Variants in STS observed in about 807,000 individuals in gnomAD.
The protein encoded by STS is steroid sulfatase, also known as steryl-sulfatase.
STS carries 7 observed loss-of-function variants against 26.8 expected under a neutral mutation model. That is an observed-to-expected ratio of 0.26 (90% CI 0.15 to 0.49). The LOEUF is 0.49. STS is among the 20% of genes least tolerant of loss of function. The pLI, the probability that STS is intolerant of heterozygous loss-of-function variation, is 0.98. For synonymous variants in STS, 199 were observed against 189.4 expected (o/e 1.05, Z -0.42); for missense variants, 434 against 465.6 (o/e 0.93, Z 0.63).
chrX:7,174,461 A>C (rs913123852), intron 1 of STS, among the ~76,000 whole-genome samples: 4 of 111,799 alleles, frequency 3.6e-5, no homozygotes, highest in Non-Finnish European at 7.5e-5. Flanking sequence ...AATAACAGAC[A>C]TATTTACTCA....
At chrX:7,232,462 G>A (rs1055177876) in intron 2 of STS, among the ~76,000 whole-genome samples, 1 of 111,792 alleles carries the variant, frequency 8.9e-6, no homozygotes, top group Non-Finnish European at 1.9e-5. Context: ...TGCAATTTGG[G>A]TATTCTTATG....
intron 1 of STS, among the ~76,000 whole-genome samples, chrX:7,157,791 G>C (rs1483170962): frequency 1.8e-5 from 2 of 111,403 alleles, no homozygotes; most frequent in Non-Finnish European, 3.8e-5. Context: ...CAGCTAGTGG[G>C]TGCTGGAATC....
rs1001580724 is a variant in STS at position 7,173,584 on chromosome X, G to A, written c.-133-17296G>A. Among the ~76,000 whole-genome samples, 8 of 111,927 alleles carry A rather than the reference G, an allele frequency of 7.1e-5. No individual in the cohort carries two copies. The South Asian group carries it at 3.0e-3, about 42-fold the overall frequency. On this transcript the variant is annotated intron_variant, in intron 1 of 10. Transcript: ENST00000674429. Reference sequence around the variant, plus strand: ...AGTGTAAAAGTGTTCCTACATCTCCGCAACCTTGCCAGCATCTGTTGTTTC... The same window carrying A: ...AGTGTAAAAGTGTTCCTACATCTCCACAACCTTGCCAGCATCTGTTGTTTC...
chrX:7,344,653 G>A (rs964432291), intron 10 of STS, among the ~76,000 whole-genome samples: 1 of 111,479 alleles, frequency 9.0e-6, no homozygotes, highest in Admixed American at 9.5e-5. Context: ...AGGTGTTCTG[G>A]AGCGCTTGAA....
At chrX:7,326,996 T>TA (rs1927509253) in intron 9 of STS, among the ~76,000 whole-genome samples, 1 of 112,186 alleles carries the variant, frequency 8.9e-6, no homozygotes, top group African/African-American at 3.2e-5. Flanking sequence ...TCAAAACCCC[T>TA]TTTCATTCTT....
chrX:7,295,658 G>A (rs376997236), intron 7 of STS, among the ~76,000 whole-genome samples: 179 of 110,753 alleles, frequency 1.6e-3, no homozygotes, highest in African/African-American at 5.5e-3. Context: ...CCCACCAATA[G>A]CATTGGTATT....
chrX:7,219,410 A>G, intron 2 of STS: 1 of 1,036,423 alleles, frequency 9.6e-7, no homozygotes, highest in Non-Finnish European at 1.2e-6. Flanking sequence ...AAAAGAATGC[A>G]GCAACTAGGC....
chrX:7,192,918 TGTC>T (rs1299256866), intron 2 of STS, among the ~76,000 whole-genome samples: 2 of 112,471 alleles, frequency 1.8e-5, no homozygotes, highest in South Asian at 3.7e-4. Context: ...AAATCCGAAA[TGTC>T]GTGCTGAGGG....
rs755831638 is a variant in STS, at chrX:7,337,614, T to C, written c.1363+3507T>C. On this transcript the variant is annotated intron_variant, in intron 10 of 10. Coordinates refer to ENST00000674429, the MANE Select transcript of STS (RefSeq NM_001320752.2). ...TTATTAGAAAATAGAAAAAAAGAAA[T>C]GTAGTATTAGGGTTTAGTAGCAGGC... Among the ~76,000 whole-genome samples, 297 of 112,223 alleles carry C rather than the reference T, an allele frequency of 2.6e-3. 1 individual carries two copies. The highest frequency in any genetic ancestry group is 4.2e-3 in the Non-Finnish European group (221 of 53,229).
chrX:7,175,910 G>A (rs1933562078), intron 1 of STS, among the ~76,000 whole-genome samples: 1 of 110,828 alleles, frequency 9.0e-6, no homozygotes, highest in African/African-American at 3.3e-5. Context: ...CATCATTACT[G>A]CCTTTCAGCC....
chrX:7,183,055 C>T (rs753502100), intron 1 of STS, among the ~76,000 whole-genome samples: 56 of 111,990 alleles, frequency 5.0e-4, no homozygotes, highest in Middle Eastern at 4.6e-3. Context: ...CCTATTTCCA[C>T]AGAGGCAGAG....
At chrX:7,291,865 CT>C (rs749071539) in intron 7 of STS, among the ~76,000 whole-genome samples, 11 of 111,809 alleles carry the variant, frequency 9.8e-5, no homozygotes. Flanking sequence ...AGTCTTTTAA[CT>C]TTAATCACTT....
At chrX:7,194,448 G>T (rs1451898423) in intron 2 of STS, among the ~76,000 whole-genome samples, 1 of 111,783 alleles carries the variant, frequency 8.9e-6, no homozygotes, top group African/African-American at 3.3e-5. Context: ...AGGTTACGAA[G>T]CAATGGCTAG....
intron 2 of STS, among the ~76,000 whole-genome samples, chrX:7,248,529 A>G (rs768864948): frequency 6.2e-5 from 7 of 112,298 alleles, no homozygotes; most frequent in Non-Finnish European, 1.1e-4. Context: ...TCAAGGCTGA[A>G]CAAGTATACT....
At chrX:7,204,774 C>G (rs1029101467) in intron 2 of STS, among the ~76,000 whole-genome samples, 2 of 104,088 alleles carry the variant, frequency 1.9e-5, no homozygotes, top group African/African-American at 7.1e-5. Context: ...CCTCCTTTCT[C>G]CCTCTTTCCT....
chrX:7,295,900 G>A (rs1938668980), intron 7 of STS, among the ~76,000 whole-genome samples: 1 of 112,000 alleles, frequency 8.9e-6, no homozygotes, highest in Admixed American at 9.5e-5. Context: ...TGTGACTGAT[G>A]TACAAGGTGT....
rs766556241 is a variant in STS, at chrX:7,351,442, G to T, written c.*1181G>T. ...AGCCCCTGTAAATCAGGGAAAATGC[G>T]CAACTGATCGCCTAGGAGAGGGCCT... is the stretch of plus-strand genomic sequence containing the variant. On this transcript the variant is annotated 3_prime_UTR_variant, in exon 11 of 11. Coordinates refer to ENST00000674429, the MANE Select transcript of STS (RefSeq NM_001320752.2). 5.4e-5 allele frequency: 6 copies of T among 111,811 alleles called. No individual in the cohort carries two copies. Among genetic ancestry groups the T allele is most frequent in the Non-Finnish European group, 9.4e-5 (5 of 53,163 alleles). 9.2% of individuals were successfully genotyped at this position (111,811 alleles called of 1,213,427 possible). A position where few individuals can be genotyped will look rare whatever the true frequency, so the allele number is the denominator to read the frequency against.
chrX:7,192,110 G>A (rs1274078699), intron 2 of STS, among the ~76,000 whole-genome samples: 4 of 112,023 alleles, frequency 3.6e-5, no homozygotes, highest in Non-Finnish European at 7.5e-5. Context: ...GAAATGGGCA[G>A]GAAGATACTT....
chrX:7,185,861 G>A (rs1382391564), intron 1 of STS, among the ~76,000 whole-genome samples: 1 of 112,137 alleles, frequency 8.9e-6, no homozygotes, highest in Non-Finnish European at 1.9e-5. Flanking sequence ...GTGGATGTTG[G>A]CTTTTTCCAG....
Sources: gnomAD v4.1 joint callset for allele counts (sites outside exome capture counted in the v4.1 genomes callset) on GRCh38, gnomAD v4.1.1 for gene constraint, MANE v1.5 for transcripts, NCBI Gene and HGNC (gene_info 2026-07-23, HGNC 2026-07-21) for gene names.